The following NDUFB1 variants were observed in gnomAD, a reference collection of about 807,000 sequenced individuals.
The protein encoded by NDUFB1 is NADH:ubiquinone oxidoreductase subunit B1, also known as NADH dehydrogenase [ubiquinone] 1 beta subcomplex subunit 1.
A neutral mutation model predicts 6.7 loss-of-function variants in NDUFB1; 6 were observed. The observed-to-expected ratio is 0.89, with a 90% CI of 0.49 to 1.76. The LOEUF (loss-of-function observed/expected upper bound fraction) is 1.76. Among genes scored for constraint, NDUFB1 ranks in the 40% most tolerant of loss-of-function variants. NDUFB1 has a pLI of 0.01. For missense variants in NDUFB1, 56 were observed against 71.0 expected, an observed-to-expected ratio of 0.79 and a Z score of 0.76; for synonymous variants, 17 against 22.9, an observed-to-expected ratio of 0.74 and a Z score of 0.74.
At chr14:92,117,681 GT>G (rs745959877) in intron 1 of NDUFB1, 39 bp from the exon 2 acceptor site, 693 of 1,271,364 alleles carry the variant, frequency 5.5e-4, no homozygotes, top group Admixed American at 1.4e-3. Context: ...CAACTGCTTT[GT>G]TTTTTTTTTG....
chr14:92,119,650 G>A (rs1423574893), intron 1 of NDUFB1, among the ~76,000 whole-genome samples: 1 of 152,096 alleles, frequency 6.6e-6, no homozygotes, highest in Non-Finnish European at 1.5e-5. Flanking sequence ...TTTTGATTTT[G>A]AAATATTTGC....
intron 1 of NDUFB1, among the ~76,000 whole-genome samples, chr14:92,119,493 G>A (rs951104246): frequency 6.6e-6 from 1 of 152,150 alleles, no homozygotes; most frequent in Admixed American, 6.5e-5. Context: ...TGCTATTATA[G>A]CCCATGCCTA....
intron 2 of NDUFB1, among the ~76,000 whole-genome samples, 163 bp downstream of exon 2, chr14:92,117,335 T>C (rs1430206769): frequency 4.6e-5 from 7 of 152,252 alleles, no homozygotes; most frequent in African/African-American, 9.6e-5. Flanking sequence ...GTAATCATAC[T>C]GTTTTATCCA....
chr14:92,120,913 G>A (rs938490202), intron 1 of NDUFB1, among the ~76,000 whole-genome samples: 2 of 151,172 alleles, frequency 1.3e-5, no homozygotes, highest in Non-Finnish European at 2.9e-5. Flanking sequence ...TGTAATCCCA[G>A]CACTTTGGGA....
intron 1 of NDUFB1, chr14:92,121,301 G>A: frequency 2.4e-6 from 1 of 418,804 alleles, no homozygotes; most frequent in South Asian, 2.8e-5. Context: ...TAAGCTGCTC[G>A]CGGAGGGGAG....
chr14:92,121,546 C>G, intron 1 of NDUFB1, 96 bp downstream of exon 1: 1 of 1,567,524 alleles, frequency 6.4e-7, no homozygotes, highest in South Asian at 1.1e-5. Flanking sequence ...GACCACCCCT[C>G]CACACATGCA....
intron 1 of NDUFB1, chr14:92,118,968 T>C (rs2068734403): frequency 2.7e-6 from 1 of 369,268 alleles, no homozygotes; most frequent in African/African-American, 2.4e-5. Flanking sequence ...AGCGAGTCTC[T>C]GTCTCAGAAA....
intron 1 of NDUFB1, among the ~76,000 whole-genome samples, chr14:92,119,521 T>C (rs532927373): frequency 3.3e-5 from 5 of 152,168 alleles, no homozygotes. Context: ...CCTTCCTGAA[T>C]TGATGTTTAT....
intron 1 of NDUFB1, among the ~76,000 whole-genome samples, chr14:92,119,139 C>G (rs1030942407): frequency 6.6e-6 from 1 of 151,934 alleles, no homozygotes; most frequent in African/African-American, 2.4e-5. Context: ...TGGCAAAACC[C>G]TGTCTCTACA....
chr14:92,119,768 CTT>C (rs35366427), intron 1 of NDUFB1, among the ~76,000 whole-genome samples: 18 of 145,158 alleles, frequency 1.2e-4, no homozygotes, highest in Non-Finnish European at 2.4e-4. Context: ...TTATATGAAA[CTT>C]TTTTTTTTTT....
intron 1 of NDUFB1, among the ~76,000 whole-genome samples, chr14:92,119,281 T>C (rs1224438791): frequency 6.8e-6 from 1 of 147,124 alleles, no homozygotes; most frequent in Non-Finnish European, 1.5e-5. Context: ...CACTGTACTC[T>C]AGCCTGGACG....
chr14:92,116,848 T>G (rs1435327599), intron 2 of NDUFB1, among the ~76,000 whole-genome samples: 2 of 152,250 alleles, frequency 1.3e-5, no homozygotes, highest in Non-Finnish European at 2.9e-5. Context: ...CCTTTCCAGC[T>G]TATTTTCTTT....
chr14:92,118,977 AAAAAAAGAAAG>A, intron 1 of NDUFB1: 1 of 365,300 alleles, frequency 2.7e-6, no homozygotes, highest in South Asian at 1.9e-5. Context: ...CTGTCTCAGA[AAAAAAAGAAAG>A]AAAAAAAAAG....
Position 92,121,670 on chromosome 14 carries a change from G to A in NDUFB1, c.-34C>T, listed in dbSNP as rs760201425. ...CAGCCTCAGCGCCTACAGCGACCCC[G>A]AGACCAAGGGCAACAGGGAACTCAA... On this transcript the variant is annotated 5_prime_UTR_variant, in exon 1 of 3. Coordinates refer to ENST00000605997, the MANE Select transcript of NDUFB1 (RefSeq NM_004545.4). 2 of 1,613,634 alleles carry A rather than the reference G, an allele frequency of 1.2e-6. No individual in the cohort carries two copies. The highest frequency in any genetic ancestry group is 2.2e-5 in the South Asian group (2 of 91,074).
intron 1 of NDUFB1, chr14:92,121,382 G>A: frequency 1.8e-6 from 1 of 568,544 alleles, no homozygotes. Context: ...GTTAGCGGGC[G>A]GTCACTGGGT....
chr14:92,119,797 T>G (rs917582784), intron 1 of NDUFB1, among the ~76,000 whole-genome samples: 3 of 152,092 alleles, frequency 2.0e-5, no homozygotes, highest in Non-Finnish European at 4.4e-5. Flanking sequence ...AGTCTCGCTC[T>G]GTCACCTAGG....
chr14:92,117,743 A>G, intron 1 of NDUFB1, 101 bp from the exon 2 acceptor site: 1 of 1,188,598 alleles, frequency 8.4e-7, no homozygotes, highest in Non-Finnish European at 1.2e-6. Context: ...CATGCCTGTA[A>G]TCCTAGCACT....
At chr14:92,116,335 T>TA in intron 2 of NDUFB1, 106 bp from the exon 3 acceptor site, 3 of 782,068 alleles carry the variant, frequency 3.8e-6, no homozygotes, top group East Asian at 3.3e-5. Context: ...CATTTTCTTT[T>TA]TTTTTTTTTT....
intron 1 of NDUFB1, chr14:92,118,198 C>T (rs2068729968): frequency 6.3e-6 from 1 of 158,298 alleles, no homozygotes; most frequent in South Asian, 1.8e-4. Flanking sequence ...CATTTTACTA[C>T]TAGCTTCAAT....
Sources: allele counts gnomAD v4.1 joint callset (sites outside exome capture counted in the v4.1 genomes callset), GRCh38; gene constraint gnomAD v4.1.1; transcripts MANE v1.5; gene names NCBI Gene and HGNC (gene_info 2026-07-23, HGNC 2026-07-21).